The following TCHP variants were observed in gnomAD, a reference collection of about 807,000 sequenced individuals.
The protein encoded by TCHP is trichoplein keratin filament-binding protein.
Under a neutral mutation model 88.7 loss-of-function variants are expected in TCHP, and 81 were observed. That is an observed-to-expected ratio of 0.91 (90% CI 0.76 to 1.10). The LOEUF is 1.10. Ranked by LOEUF, TCHP falls within the 50% of genes least tolerant of loss-of-function variation. TCHP has a pLI of 0.00. For missense variants in TCHP, 641 were observed against 632.1 expected (o/e 1.01, Z -0.15); for synonymous variants, 232 against 232.5 (o/e 1.00, Z 0.02).
chr12:109,915,608 C>T, intron 12 of TCHP, 62 bp downstream of exon 12: 2 of 1,522,244 alleles, frequency 1.3e-6, no homozygotes, highest in South Asian at 1.3e-5. Context: ...GGCCCCTGCT[C>T]CCCTGGGCCT....
chr12:109,902,404 T>C (rs1326559593), intron 1 of TCHP, among the ~76,000 whole-genome samples: 1 of 151,212 alleles, frequency 6.6e-6, no homozygotes, highest in East Asian at 1.9e-4. Context: ...CAAGTGATCC[T>C]CCTGCCTCAG....
chr12:109,906,476 C>T, intron 4 of TCHP, 96 bp from the exon 5 acceptor site: 9 of 1,193,208 alleles, frequency 7.5e-6, no homozygotes, highest in South Asian at 3.9e-5. Flanking sequence ...GTCATGGCCA[C>T]GTTCCCGCAG....
the TCHP span, among the ~76,000 whole-genome samples, chr12:109,893,146 G>A: frequency 4.6e-5 from 7 of 152,280 alleles, no homozygotes; most frequent in South Asian, 8.3e-4. Flanking sequence ...TTGGAAGGCT[G>A]AGGTGGGTGG....
intron 9 of TCHP, among the ~76,000 whole-genome samples, chr12:109,912,608 T>C (rs1219790181): frequency 6.6e-6 from 1 of 152,100 alleles, no homozygotes; most frequent in Non-Finnish European, 1.5e-5. Context: ...CTGACCAACA[T>C]GGTGAAACCC....
At chr12:109,914,752 C>T (rs1870704729) in intron 11 of TCHP, 125 bp downstream of exon 11, 4 of 713,182 alleles carry the variant, frequency 5.6e-6, no homozygotes, top group East Asian at 2.8e-5. Context: ...ACGGTGCTCC[C>T]GTTTCCATCC....
At chr12:109,915,587 A>G in intron 12 of TCHP, 41 bp downstream of exon 12, 2 of 1,574,402 alleles carry the variant, frequency 1.3e-6, no homozygotes, top group Non-Finnish European at 1.7e-6. Flanking sequence ...CCGGCAAGAC[A>G]GACTCTGCCC....
chr12:109,913,552 G>C (rs1870627207), intron 10 of TCHP, among the ~76,000 whole-genome samples: 2 of 152,320 alleles, frequency 1.3e-5, no homozygotes, highest in South Asian at 4.1e-4. Context: ...CTTGGTGCCT[G>C]AGGCTCTTCC....
upstream of TCHP, among the ~76,000 whole-genome samples, chr12:109,898,009 A>G (rs1222731947): frequency 6.6e-6 from 1 of 152,052 alleles, no homozygotes; most frequent in African/African-American, 2.4e-5. Flanking sequence ...AATTTGCCCA[A>G]GGGGGTAGGG....
intron 1 of TCHP, among the ~76,000 whole-genome samples, chr12:109,901,676 T>G (rs1302928558): frequency 1.3e-5 from 2 of 152,218 alleles, no homozygotes; most frequent in Non-Finnish European, 1.5e-5. Flanking sequence ...GGAACTGTTG[T>G]TTCTCTGTAA....
rs1038397206 is a variant in TCHP, at chr12:109,908,626, A to G, written c.740A>G (p.Gln247Arg). ...AAGGAGCAGGAGAATCTGTTGAAGC[A>G]GCGGTGGGAGCTAGAGAGGCTGGAG... ...LKKEQENLLK[Q>R]RWELERLEEE... is the part of the protein sequence containing the mutation. Residue 247 changes from glutamine (Q) to arginine (R), a missense_variant, in exon 7 of 13, where the codon CAG becomes CGG. Coordinates refer to ENST00000405876, the MANE Select transcript of TCHP (RefSeq NM_001143852.2). 6.2e-7 allele frequency: 1 copy of G among 1,603,094 alleles called. No individual in the cohort carries two copies. The highest frequency in any genetic ancestry group is 8.5e-7 in the Non-Finnish European group (1 of 1,176,128).
intron 1 of TCHP, 145 bp downstream of exon 1, chr12:109,900,571 G>A (rs988374838): frequency 1.3e-5 from 2 of 152,254 alleles, no homozygotes. Context: ...CACGCGCTGT[G>A]ACCCCATTTG....
At chr12:109,894,838 T>C in the TCHP span, among the ~76,000 whole-genome samples, 1 of 148,996 alleles carries the variant, frequency 6.7e-6, no homozygotes, top group East Asian at 2.0e-4. Context: ...CCTCAGGGAG[T>C]TCTACTTGTT....
chr12:109,915,986 T>C (rs1870800717), intron 12 of TCHP, among the ~76,000 whole-genome samples: 1 of 152,162 alleles, frequency 6.6e-6, no homozygotes, highest in Non-Finnish European at 1.5e-5. Context: ...CCCGTGTGTG[T>C]ATCTGTTTCT....
chr12:109,908,079 G>A (rs1870249603), intron 6 of TCHP, among the ~76,000 whole-genome samples: 1 of 152,172 alleles, frequency 6.6e-6, no homozygotes, highest in South Asian at 2.1e-4. Context: ...CATAACTGAG[G>A]GTTTTTGGTC....
the TCHP span, among the ~76,000 whole-genome samples, chr12:109,890,609 G>A: frequency 6.6e-6 from 1 of 151,072 alleles, no homozygotes. Context: ...TCCCAGGTTC[G>A]AGCGATTCTC....
chr12:109,913,930 C>T (rs934047976), intron 10 of TCHP, among the ~76,000 whole-genome samples: 2 of 152,162 alleles, frequency 1.3e-5, no homozygotes, highest in Non-Finnish European at 1.5e-5. Context: ...TTGAGAGTGT[C>T]AGGTGGTTTT....
chr12:109,904,687 A>G (rs374652929), intron 3 of TCHP, 50 bp from the exon 4 acceptor site: 3 of 1,574,946 alleles, frequency 1.9e-6, no homozygotes, highest in African/African-American at 2.7e-5. Flanking sequence ...CAAAATGTGA[A>G]TGGATTTGAA....
intron 10 of TCHP, among the ~76,000 whole-genome samples, chr12:109,913,684 AAGAG>A (rs1302532081): frequency 1.3e-5 from 2 of 152,168 alleles, no homozygotes; most frequent in South Asian, 2.1e-4. Flanking sequence ...CTGGGAGGAG[AAGAG>A]AGAGTGTTAC....
At chr12:109,885,264 C>T in the TCHP span, among the ~76,000 whole-genome samples, 2 of 152,204 alleles carry the variant, frequency 1.3e-5, no homozygotes, top group Non-Finnish European at 2.9e-5. Context: ...GCCACCGAGC[C>T]CAGCCCCAGG....
Sources: allele counts gnomAD v4.1 joint callset (sites outside exome capture counted in the v4.1 genomes callset), GRCh38; gene constraint gnomAD v4.1.1; transcripts MANE v1.5; gene names NCBI Gene and HGNC (gene_info 2026-07-23, HGNC 2026-07-21).